CT45A1: variants seen among roughly 807,000 people sequenced by gnomAD.
The protein encoded by CT45A1 is cancer/testis antigen family 45 member A1.
At chrX:135,709,099 T>G (rs1166142960), upstream of CT45A1, among the ~76,000 whole-genome samples, 1 of 112,265 alleles carries the variant, frequency 8.9e-6, no homozygotes, top group Admixed American at 9.4e-5. Context: ...TATATCAGGT[T>G]GCCAGGGATG....
chrX:135,717,919 A>T (rs1317328302), intron 1 of CT45A1, among the ~76,000 whole-genome samples: 2 of 111,922 alleles, frequency 1.8e-5, no homozygotes, highest in African/African-American at 6.5e-5. Context: ...TATTTTCCTG[A>T]TGCTACAGCA....
chrX:135,713,741 T>A, intron 1 of CT45A1, 51 bp downstream of exon 1: 1 of 707,508 alleles, frequency 1.4e-6, no homozygotes, highest in Non-Finnish European at 1.7e-6. Flanking sequence ...GATGCTTTAA[T>A]TTCACCCCAG....
At chrX:135,718,150 G>A (rs782050274) in intron 1 of CT45A1, among the ~76,000 whole-genome samples, 12 of 112,021 alleles carry the variant, frequency 1.1e-4, no homozygotes, top group Non-Finnish European at 2.3e-4. Context: ...AAATGATCAT[G>A]TGGTGTTTCC....
chrX:135,712,426 G>T (rs1406120465), upstream of CT45A1, among the ~76,000 whole-genome samples: 1 of 109,887 alleles, frequency 9.1e-6, no homozygotes, highest in Admixed American at 9.7e-5. Flanking sequence ...GCCTCCCAAA[G>T]TGCTGGGGTA....
At chrX:135,718,565 A>C (rs192119301) in intron 1 of CT45A1, among the ~76,000 whole-genome samples, 77 of 110,783 alleles carry the variant, frequency 7.0e-4, no homozygotes, top group East Asian at 5.6e-3. Flanking sequence ...TATAATGTTT[A>C]ACAAGGGTTA....
chrX:135,717,384 AC>A, intron 1 of CT45A1, among the ~76,000 whole-genome samples: 1 of 111,290 alleles, frequency 9.0e-6, no homozygotes, highest in East Asian at 2.8e-4. Context: ...CCCCGTCTCT[AC>A]TAAAAATACA....
At chrX:135,715,372 T>C (rs1185201984) in intron 1 of CT45A1, among the ~76,000 whole-genome samples, 4 of 70,130 alleles carry the variant, frequency 5.7e-5, no homozygotes, top group African/African-American at 1.6e-4. Context: ...CTTATATATA[T>C]AATACTTATA....
At chrX:135,718,345 G>A (rs551002727) in intron 1 of CT45A1, among the ~76,000 whole-genome samples, 6 of 110,964 alleles carry the variant, frequency 5.4e-5, no homozygotes, top group African/African-American at 2.0e-4. Flanking sequence ...GGGTGATATT[G>A]GCTTGTATTT....
At chrX:135,711,366 A>G (rs1406395161), upstream of CT45A1, among the ~76,000 whole-genome samples, 2 of 112,141 alleles carry the variant, frequency 1.8e-5, no homozygotes, top group African/African-American at 3.2e-5. Flanking sequence ...ACAATAGGCT[A>G]GGAAGCTATA....
rs1294458200 is a variant in CT45A1 at position 135,715,219 on chromosome X, ATATATATATAATACT to A, written c.-7+1555_-7+1569del. On this transcript the variant is annotated intron_variant, in intron 1 of 4. Coordinates refer to ENST00000594565, the MANE Select transcript of CT45A1 (RefSeq NM_001017417.3). ...TTACTATTATATATATATAATACTT[ATATATATATAATACT>A]TATATATATAATACTTATATATATA... Among the ~76,000 whole-genome samples, 251 of 66,293 alleles carry A rather than the reference ATATATATATAATACT, an allele frequency of 3.8e-3. 1 individual carries two copies. Among genetic ancestry groups the A allele is most frequent in the African/African-American group, 1.0e-2 (214 of 21,507 alleles). The allele number at this position is 66,293 out of a possible 115,157, so 57.6% of individuals were successfully genotyped here. A position where few individuals can be genotyped will look rare whatever the true frequency, so the allele number is the denominator to read the frequency against.
chrX:135,713,110 T>C (rs1380886963), upstream of CT45A1, among the ~76,000 whole-genome samples: 1 of 98,268 alleles, frequency 1.0e-5, no homozygotes. Flanking sequence ...CGTTCTCGGC[T>C]CTCTGCTACC....
chrX:135,712,821 C>T (rs1223139573), upstream of CT45A1, among the ~76,000 whole-genome samples: 3 of 111,339 alleles, frequency 2.7e-5, no homozygotes, highest in Non-Finnish European at 5.7e-5. Context: ...CGAGCCACAG[C>T]GCCCGTTGGG....
intron 1 of CT45A1, among the ~76,000 whole-genome samples, chrX:135,714,477 T>G (rs1394837596): frequency 3.7e-5 from 4 of 109,497 alleles, no homozygotes; most frequent in Non-Finnish European, 7.6e-5. Context: ...CAGGTTGGGG[T>G]GCTTTTCCTC....
chrX:135,718,528 ATATAATG>A (rs1429201920), intron 1 of CT45A1, among the ~76,000 whole-genome samples: 1 of 110,200 alleles, frequency 9.1e-6, no homozygotes, highest in Admixed American at 9.8e-5. Flanking sequence ...ATTTTGCATA[ATATAATG>A]TATAATATAT....
upstream of CT45A1, among the ~76,000 whole-genome samples, chrX:135,711,609 AT>A (rs782586220): frequency 1.9e-5 from 2 of 107,101 alleles, no homozygotes; most frequent in African/African-American, 3.4e-5. Context: ...TATATTTTTA[AT>A]TTTTTTTTTA....
chrX:135,712,325 G>A (rs781998308), upstream of CT45A1, among the ~76,000 whole-genome samples: 188 of 105,132 alleles, frequency 1.8e-3, 1 homozygote, highest in Non-Finnish European at 2.6e-3. Flanking sequence ...TACACTTTCA[G>A]CTAATTTTTG....
upstream of CT45A1, among the ~76,000 whole-genome samples, chrX:135,708,824 TGTAA>T (rs782716331): frequency 2.9e-3 from 326 of 111,058 alleles, 3 homozygotes; most frequent in African/African-American, 0.01. Flanking sequence ...CATAATGTCT[TGTAA>T]GTGTGTCGCT....
At chrX:135,711,768 A>G (rs11095646), upstream of CT45A1, among the ~76,000 whole-genome samples, 1,950 of 112,213 alleles carry the variant, frequency 0.017, 24 homozygotes, top group Middle Eastern at 0.05. Flanking sequence ...ATTTTGCTGC[A>G]CTTAAAATAA....
chrX:135,715,387 ATACT>A (rs1392513779), intron 1 of CT45A1, among the ~76,000 whole-genome samples: 3 of 59,939 alleles, frequency 5.0e-5, no homozygotes, highest in Non-Finnish European at 3.1e-5. Flanking sequence ...CTTATATATA[ATACT>A]TATATATATA....
Sources: gnomAD v4.1 joint callset for allele counts (sites outside exome capture counted in the v4.1 genomes callset) on GRCh38, gnomAD v4.1.1 for gene constraint, MANE v1.5 for transcripts, NCBI Gene and HGNC (gene_info 2026-07-23, HGNC 2026-07-21) for gene names.